ATP2A1: variants seen among roughly 807,000 people sequenced by gnomAD.
ATP2A1 encodes sarcoplasmic/endoplasmic reticulum calcium ATPase 1.
In ATP2A1, 83 loss-of-function variants were observed where a neutral mutation model predicts 109.5. The ratio of observed to expected loss-of-function variants is 0.76; its 90% CI spans 0.63 to 0.91. The LOEUF (loss-of-function observed/expected upper bound fraction) is 0.91, where lower values mean the gene tolerates loss of function less well. Ranked by LOEUF, ATP2A1 falls within the 40% of genes least tolerant of loss-of-function variation. ATP2A1 has a pLI of 0.00. For missense variants in ATP2A1, 1,101 were observed against 1,341.0 expected (o/e 0.82, Z 2.80); for synonymous variants, 505 against 537.6 (o/e 0.94, Z 0.84).
Position 28,903,301 on chromosome 16 carries a change from G to T in ATP2A1, c.2863-22G>T, listed in dbSNP as rs1326301949. On this transcript the variant is annotated intron_variant, in intron 20 of 22. Transcript: ENST00000395503. This position sits in a 1 kb window ranked among gnomAD's most constrained non-coding sequence, Gnocchi z 5.6. Reference sequence around the variant, plus strand: ...GCTCCCTCCCCACCCCCTCCTGAGAGGGCGCTTGTCCCCTGCCCCAGATGA... The same window carrying T: ...GCTCCCTCCCCACCCCCTCCTGAGATGGCGCTTGTCCCCTGCCCCAGATGA... 1.2e-6 allele frequency: 2 copies of T among 1,602,938 alleles called. No individual in the cohort carries two copies. Among genetic ancestry groups the T allele is most frequent in the Admixed American group, 3.3e-5 (2 of 59,984 alleles).
intron 6 of ATP2A1, among the ~76,000 whole-genome samples, chr16:28,886,561 T>C (rs1432039571): frequency 2.0e-5 from 3 of 152,232 alleles, no homozygotes; most frequent in Non-Finnish European, 4.4e-5. Flanking sequence ...TGTCCACTTA[T>C]TTGATTTTCA....
At position 28,879,616 on chromosome 16, in the gene ATP2A1, G is replaced by T. The variant is rs376632597; in HGVS notation, c.219+33G>T. 60 of 1,606,512 alleles carry T rather than the reference G, an allele frequency of 3.7e-5. No individual in the cohort carries two copies. In the African/African-American group the frequency reaches 7.0e-4, roughly 19 times the overall value. On this transcript the variant is annotated intron_variant, in intron 3 of 22. Transcript: ENST00000395503. The stretch of plus-strand genomic sequence containing the variant: ...TGGGAGGGTCTCTGGGGGCTGGCTG[G>T]GGGTGTGAGGCTGGGATCGGGCGAA...
intron 12 of ATP2A1, among the ~76,000 whole-genome samples, chr16:28,895,300 G>C (rs756729489): frequency 9.9e-5 from 15 of 152,196 alleles, no homozygotes; most frequent in Non-Finnish European, 1.8e-4. Context: ...TTCAGCAGAT[G>C]ATGAGTCCTG....
intron 9 of ATP2A1, among the ~76,000 whole-genome samples, chr16:28,890,754 C>T (rs933169061): frequency 1.3e-5 from 2 of 151,940 alleles, no homozygotes; most frequent in African/African-American, 2.4e-5. Flanking sequence ...GGCCCAGTCT[C>T]GGCTCACTAC....
intron 6 of ATP2A1, among the ~76,000 whole-genome samples, chr16:28,886,908 G>C (rs1353574515): frequency 6.6e-6 from 1 of 150,786 alleles, no homozygotes; most frequent in Non-Finnish European, 1.5e-5. Context: ...TGAGGCAGGA[G>C]TATTGCCTGA....
Position 28,880,232 on chromosome 16 carries a change from C to G in ATP2A1, c.219+649C>G. 1 of 705,572 alleles carries G rather than the reference C, an allele frequency of 1.4e-6. No homozygotes were observed. Among genetic ancestry groups the G allele is most frequent in the Non-Finnish European group, 1.8e-6 (1 of 570,334 alleles). The allele number at this position is 705,572 out of a possible 1,614,324, so 43.7% of individuals were successfully genotyped here. A position where few individuals can be genotyped will look rare whatever the true frequency, so the allele number is the denominator to read the frequency against. On this transcript the variant is annotated intron_variant, in intron 3 of 22. Coordinates refer to ENST00000395503, the MANE Select transcript of ATP2A1 (RefSeq NM_004320.6). This position sits in a 1 kb window ranked among gnomAD's most constrained non-coding sequence, Gnocchi z 4.2. ...TCCCGCCCTGGGGGCTACTCCCCAT[C>G]CCGCGGTCCATCTGCATGTCGCGGG...
chr16:28,890,982 C>T (rs534296356), intron 9 of ATP2A1, among the ~76,000 whole-genome samples: 21 of 152,006 alleles, frequency 1.4e-4, no homozygotes, highest in African/African-American at 5.1e-4. Context: ...CCACTGCGCC[C>T]GGCCAGGATT....
intron 3 of ATP2A1, 76 bp downstream of exon 3, chr16:28,879,659 C>G: frequency 1.4e-6 from 2 of 1,472,586 alleles, no homozygotes; most frequent in Non-Finnish European, 1.9e-6. Context: ...CTCGCAGTCA[C>G]TGGATCCTCC....
At chr16:28,879,717 G>A in intron 3 of ATP2A1, 134 bp downstream of exon 3, 1 of 1,081,622 alleles carries the variant, frequency 9.2e-7, no homozygotes. Context: ...GGGCTGGCGC[G>A]CAGCAGCGGG....
At chr16:28,891,861 G>C (rs1963782586) in intron 9 of ATP2A1, among the ~76,000 whole-genome samples, 1 of 151,772 alleles carries the variant, frequency 6.6e-6, no homozygotes, top group South Asian at 2.1e-4. Context: ...GCGACAGAGT[G>C]AGACTTTGTC....
chr16:28,902,079 G>T lies in ATP2A1; in HGVS notation c.2317G>T (p.Val773Phe), dbSNP rs1466233178. ...YLISSNVGEV[V>F]CIFLTAALGL... ...CATTTCCTCCAACGTGGGCGAGGTG[G>T]TCTGGTGAGCAGCTGGGTGGGCGTC... The change falls in exon 16 of 23, where the codon GTC becomes TTC. Residue 773 changes from valine to phenylalanine, a missense_variant. Transcript: ENST00000395503. The surrounding 1 kb of genome is among the most constrained non-coding windows in gnomAD (Gnocchi z 4.8). The T allele has an allele frequency of 3.1e-6, 5 of 1,614,140 alleles. No individual in the cohort carries two copies. The highest frequency in any genetic ancestry group is 4.2e-6 in the Non-Finnish European group (5 of 1,180,050).
intron 9 of ATP2A1, among the ~76,000 whole-genome samples, chr16:28,889,413 C>T (rs909882330): frequency 3.3e-5 from 5 of 152,136 alleles, no homozygotes; most frequent in Middle Eastern, 3.4e-3. Flanking sequence ...CCTGCCACCA[C>T]GCCTGGCTAA....
In ATP2A1 at chr16:28,891,840, C is replaced by T. The variant is rs561273152; in HGVS notation, c.1096-2315C>T. 1.1e-4 allele frequency among the ~76,000 whole-genome samples: 16 copies of T among 151,922 alleles called. No individual in the cohort carries two copies. In the East Asian group the frequency reaches 3.1e-3, roughly 29 times the overall value. ...GTTGCGGTGAGATTGCACCACTGCA[C>T]TCCAGCCTGGGCGACAGAGTGAGAC... On this transcript the variant is annotated intron_variant, in intron 9 of 22. Coordinates refer to ENST00000395503, the MANE Select transcript of ATP2A1 (RefSeq NM_004320.6).
At position 28,894,537 on chromosome 16, in the gene ATP2A1, A is replaced by C. The variant is rs1481330832; in HGVS notation, c.1217A>C (p.Gln406Pro). ...AATGATAAGCCAGTCCGGCCAGGGC[A>C]GTATGACGGGCTGGTGGAGCTGGCC... is the stretch of plus-strand genomic sequence containing the variant. Reference protein sequence around the residue: ...LKNDKPVRPGQYDGLVELATI... With the variant: ...LKNDKPVRPGPYDGLVELATI... Residue 406 changes from glutamine to proline, a missense_variant, in exon 11 of 23, where the codon CAG becomes CCG. By Grantham distance (76) the Gln-to-Pro change is moderately conservative. Coordinates refer to ENST00000395503, the MANE Select transcript of ATP2A1 (RefSeq NM_004320.6). The C allele has an allele frequency of 1.9e-6, 3 of 1,614,004 alleles. No homozygotes were observed. The highest frequency in any genetic ancestry group is 2.5e-6 in the Non-Finnish European group (3 of 1,180,034).
Position 28,903,266 on chromosome 16 carries a change from C to A in ATP2A1, c.2863-57C>A. The A allele has an allele frequency of 6.4e-7, 1 of 1,572,850 alleles. No homozygotes were observed. The highest frequency in any genetic ancestry group is 8.7e-7 in the Non-Finnish European group (1 of 1,143,038). ...GCTGGTGGGAGTGGGCTGGGCAGTG[C>A]TGGTCTCTGGCTCCCTCCCCACCCC... On this transcript the variant is annotated intron_variant, in intron 20 of 22. Coordinates refer to ENST00000395503, the MANE Select transcript of ATP2A1 (RefSeq NM_004320.6). The surrounding 1 kb of genome is among the most constrained non-coding windows in gnomAD (Gnocchi z 5.6).
Position 28,893,655 on chromosome 16 carries a change from GTT to G in ATP2A1, c.1096-484_1096-483del, listed in dbSNP as rs11304796. Among the ~76,000 whole-genome samples, 96 of 111,964 alleles carry G rather than the reference GTT, an allele frequency of 8.6e-4. No individual in the cohort carries two copies. The Middle Eastern group carries it at 0.014, about 16-fold the overall frequency. The allele number at this position is 111,964 out of a possible 152,430, so 73.5% of individuals were successfully genotyped here. On this transcript the variant is annotated intron_variant, in intron 9 of 22. Transcript: ENST00000395503. ...GTCACTCGTTTGTGGGTTTTTTTTTGTTTTTTTTTTTTTTTTTGAGTTTGGCT... is the reference window on the plus strand; with the variant it reads ...GTCACTCGTTTGTGGGTTTTTTTTTGTTTTTTTTTTTTTTTGAGTTTGGCT...
Position 28,880,785 on chromosome 16 carries a change from G to T in ATP2A1, c.220-130G>T. On this transcript the variant is annotated intron_variant, in intron 3 of 22. Coordinates refer to ENST00000395503, the MANE Select transcript of ATP2A1 (RefSeq NM_004320.6). The surrounding 1 kb of genome is among the most constrained non-coding windows in gnomAD (Gnocchi z 4.2). ...GACGGATGTGGGGCCACAGCGCCCC[G>T]ACGGTGCCCGGCCCTCCTGCTGGCT... is the stretch of plus-strand genomic sequence containing the variant. 4 of 879,582 alleles carry T rather than the reference G, an allele frequency of 4.5e-6. No homozygotes were observed. The highest frequency in any genetic ancestry group is 2.8e-5 in the South Asian group (2 of 72,362). The allele number at this position is 879,582 out of a possible 1,614,324, so 54.5% of individuals were successfully genotyped here. A position where few individuals can be genotyped will look rare whatever the true frequency, so the allele number is the denominator to read the frequency against.
rs780780139 is a variant in ATP2A1, at chr16:28,880,995, C to T, written c.300C>T (p.Ala100=). ...TTGTCATCCTCTTGATCCTCATTGCCAATGCCATCGTGGGGGTTTGGCAGG... is the reference window on the plus strand; with the variant it reads ...TTGTCATCCTCTTGATCCTCATTGCTAATGCCATCGTGGGGGTTTGGCAGG... ...EPFVILLILI[A]NAIVGVWQER... is the part of the protein sequence containing the mutation. Residue 100 remains alanine, a synonymous_variant, in exon 4 of 23, where the codon GCC becomes GCT. Transcript: ENST00000395503. The surrounding 1 kb of genome is among the most constrained non-coding windows in gnomAD (Gnocchi z 4.2). 1 of 1,614,194 alleles carries T rather than the reference C, an allele frequency of 6.2e-7. No homozygotes were observed. The highest frequency in any genetic ancestry group is 8.5e-7 in the Non-Finnish European group (1 of 1,180,020).
At position 28,887,462 on chromosome 16, in the gene ATP2A1, T is replaced by G. The variant is rs1963645553; in HGVS notation, c.668T>G (p.Val223Gly). ...NIAAGKALGI[V>G]ATTGVGTEIG... Reference sequence around the variant, plus strand: ...GCAGCCGGCAAGGCCTTGGGCATCGTGGCCACCACTGGTGTGGGCACCGAG... The same window carrying G: ...GCAGCCGGCAAGGCCTTGGGCATCGGGGCCACCACTGGTGTGGGCACCGAG... The change falls in exon 8 of 23, where the codon GTG (valine) becomes GGG (glycine). Residue 223 changes from valine to glycine, a missense_variant. Transcript: ENST00000395503. 1.2e-6 allele frequency: 2 copies of G among 1,614,110 alleles called. No homozygotes were observed. Among genetic ancestry groups the G allele is most frequent in the Non-Finnish European group, 1.7e-6 (2 of 1,180,020 alleles).
Sources: gnomAD v4.1 joint callset for allele counts (sites outside exome capture counted in the v4.1 genomes callset) on GRCh38, gnomAD v4.1.1 for gene constraint, Gnocchi (gnomAD v3.1) non-coding constraint, MANE v1.5 for transcripts, NCBI Gene and HGNC (gene_info 2026-07-23, HGNC 2026-07-21) for gene names.